The following CD320 variants were observed in gnomAD, a reference collection of about 807,000 sequenced individuals.
CD320 encodes the protein CD320 antigen.
In CD320, 16 loss-of-function variants were observed where a neutral mutation model predicts 22.1. The observed-to-expected ratio is 0.73, with a 90% confidence interval of 0.49 to 1.10. CD320 has a LOEUF of 1.10. Ranked by LOEUF, CD320 falls within the 50% of genes least tolerant of loss-of-function variation. CD320 has a pLI of 0.00. For missense variants in CD320, 388 were observed against 376.9 expected, an observed-to-expected ratio of 1.03 and a Z score of -0.24; for synonymous variants, 188 against 167.8, an observed-to-expected ratio of 1.12 and a Z score of -0.93.
chr19:8,304,271 G>C (rs566930183), intron 2 of CD320, among the ~76,000 whole-genome samples, 183 bp from the exon 3 acceptor site: 1 of 152,300 alleles, frequency 6.6e-6, no homozygotes, highest in Non-Finnish European at 1.5e-5. Flanking sequence ...CTCCCTGCAA[G>C]CTCTTCCCCT....
intron 1 of CD320, among the ~76,000 whole-genome samples, chr19:8,306,286 C>T (rs1482837136): frequency 6.6e-6 from 1 of 152,170 alleles, no homozygotes; most frequent in Non-Finnish European, 1.5e-5. Context: ...ACAGACTGGA[C>T]ATTCTGTGGA....
At chr19:8,306,443 G>A (rs748969997) in intron 1 of CD320, among the ~76,000 whole-genome samples, 38 of 152,224 alleles carry the variant, frequency 2.5e-4, no homozygotes, top group Non-Finnish European at 4.7e-4. Flanking sequence ...TGCCGACCTG[G>A]AGGGGCACGG....
Position 8,302,202 on chromosome 19 carries a change from C to A in CD320, c.*261G>T, listed in dbSNP as rs758541038. 1.6e-4 allele frequency: 103 copies of A among 660,574 alleles called. No individual in the cohort carries two copies. In the African/African-American group the frequency reaches 1.7e-3, roughly 11 times the overall value. 40.9% of individuals were successfully genotyped at this position (660,574 alleles called of 1,614,324 possible). ...GTCTTAAGCACAGGGCCGTTCTACC[C>A]CCTGGGAGCTGCCTGGGGCCAGCCC... is the stretch of plus-strand genomic sequence containing the variant. On this transcript the variant is annotated 3_prime_UTR_variant, in exon 5 of 5. Transcript: ENST00000301458.
In CD320 at chr19:8,308,135, G is replaced by A. The variant is rs994913562; in HGVS notation, c.142+14C>T. The A allele has an allele frequency of 8.7e-6, 13 of 1,491,474 alleles. No homozygotes were observed. Among genetic ancestry groups the A allele is most frequent in the Non-Finnish European group, 1.2e-5 (13 of 1,129,916 alleles). 92.4% of individuals were successfully genotyped at this position (1,491,474 alleles called of 1,614,324 possible). ...CGCGAGGGGTGGGAGCCCGCGCTGC[G>A]GGGCGTCACTCACCTGCGGCCTGGG... On this transcript the variant is annotated intron_variant, in intron 1 of 4. Coordinates refer to ENST00000301458, the MANE Select transcript of CD320 (RefSeq NM_016579.4).
rs1970032092 is a variant in CD320 at position 8,302,978 on chromosome 19, T to C, written c.505A>G (p.Thr169Ala). 6.2e-7 allele frequency: 1 copy of C among 1,613,748 alleles called. No homozygotes were observed. Among genetic ancestry groups the C allele is most frequent in the Non-Finnish European group, 8.5e-7 (1 of 1,179,812 alleles). The change falls in exon 4 of 5, where the codon ACC becomes GCC. Residue 169 changes from threonine (T) to alanine (A), a missense_variant and splice_region_variant. By Grantham distance (58) the Thr-to-Ala change is moderately conservative. Coordinates refer to ENST00000301458, the MANE Select transcript of CD320 (RefSeq NM_016579.4). The stretch of plus-strand genomic sequence containing the variant: ...TCCCCTTCCGGGAGGATCTCATTGG[T>C]TCCTGCAATAAGCCCAGGCGTTCAG... ...PDSSDELGCG[T>A]NEILPEGDAT...
chr19:8,307,754 G>A (rs1970114449), intron 1 of CD320, among the ~76,000 whole-genome samples: 1 of 152,122 alleles, frequency 6.6e-6, no homozygotes. Flanking sequence ...CGAGGGTTTG[G>A]AAGGCAAAGG....
In CD320 at chr19:8,303,866, TC is replaced by T; in HGVS notation, c.490del (p.Glu164SerfsTer22). On this transcript the variant is annotated frameshift_variant, in exon 3 of 5. Coordinates refer to ENST00000301458, the MANE Select transcript of CD320 (RefSeq NM_016579.4). LOFTEE classifies it high-confidence loss of function. ...CCGCAGGTGCATACCACAGCCGAGC[TC>T]GTCGCTGGAGTCGGGACAGTCTGGG... ...GHPDCPDSSD[E>X]LGCGTNEILP... The T allele has an allele frequency of 6.3e-7, 1 of 1,599,320 alleles. No individual in the cohort carries two copies. Among genetic ancestry groups the T allele is most frequent in the Non-Finnish European group, 8.5e-7 (1 of 1,173,490 alleles).
At position 8,307,024 on chromosome 19, in the gene CD320, G is replaced by T. The variant is rs529675695; in HGVS notation, c.142+1125C>A. On this transcript the variant is annotated intron_variant, in intron 1 of 4. Transcript: ENST00000301458. ...TGAGAAAAAAGAGACTGTGTATAGA[G>T]TTTTGTCCTGTAATCCCAGCACTTT... 5.3e-5 allele frequency among the ~76,000 whole-genome samples: 8 copies of T among 152,114 alleles called. No individual in the cohort carries two copies. The East Asian group carries it at 1.5e-3, about 29-fold the overall frequency.
At chr19:8,304,365 C>T (rs545927732) in intron 2 of CD320, among the ~76,000 whole-genome samples, 13 of 152,124 alleles carry the variant, frequency 8.5e-5, no homozygotes, top group Non-Finnish European at 1.6e-4. Flanking sequence ...TCTTTTGAGA[C>T]GGGGTCTCCC....
In CD320 at chr19:8,303,135, G is replaced by GTTA. The variant is rs1568556548; in HGVS notation, c.503-156_503-155insTAA. Among the ~76,000 whole-genome samples the GTTA allele has an allele frequency of 6.8e-3, 922 of 135,048 alleles. 18 individuals are homozygous for GTTA. Among genetic ancestry groups the GTTA allele is most frequent in the African/African-American group, 0.022 (841 of 37,818 alleles). The allele number at this position is 135,048 out of a possible 152,430, so 88.6% of individuals were successfully genotyped here. A position where few individuals can be genotyped will look rare whatever the true frequency, so the allele number is the denominator to read the frequency against. ...ATGTCTTTTTTTTTTTTTTTTTTTGGAGAGGGAGTCTGGCTCTGCCACCCA... is the reference window on the plus strand; with the variant it reads ...ATGTCTTTTTTTTTTTTTTTTTTTGGTTAAGAGGGAGTCTGGCTCTGCCACCCA... On this transcript the variant is annotated intron_variant, in intron 3 of 4. Coordinates refer to ENST00000301458, the MANE Select transcript of CD320 (RefSeq NM_016579.4).
chr19:8,308,001 T>A lies in CD320; in HGVS notation c.142+148A>T. On this transcript the variant is annotated intron_variant, in intron 1 of 4. Transcript: ENST00000301458. ...GTCTTCCTAGCACCAGTGCGCGCCT[T>A]CCCACAAGCGATGAAGTCCAAGTCC... 4 of 854,304 alleles carry A rather than the reference T, an allele frequency of 4.7e-6. No individual in the cohort carries two copies. In the South Asian group the frequency reaches 8.1e-5, roughly 17 times the overall value. 52.9% of individuals were successfully genotyped at this position (854,304 alleles called of 1,614,324 possible). A position where few individuals can be genotyped will look rare whatever the true frequency, so the allele number is the denominator to read the frequency against.
intron 1 of CD320, 38 bp from the exon 2 acceptor site, chr19:8,305,194 G>A (rs1439402274): frequency 1.3e-6 from 2 of 1,560,008 alleles, no homozygotes; most frequent in South Asian, 1.2e-5. Context: ...GGAAGCTGGA[G>A]GCTGGACCTT....
intron 2 of CD320, 98 bp from the exon 3 acceptor site, chr19:8,304,186 G>A: frequency 1.5e-6 from 1 of 667,862 alleles, no homozygotes; most frequent in East Asian, 2.7e-5. Context: ...TCTAAGAACA[G>A]CTGAGCCCAA....
At chr19:8,307,666 G>A (rs998665078) in intron 1 of CD320, among the ~76,000 whole-genome samples, 13 of 152,206 alleles carry the variant, frequency 8.5e-5, no homozygotes, top group African/African-American at 3.1e-4. Flanking sequence ...GAGACCTCGC[G>A]TTCTCTAAGG....
At chr19:8,305,563 GGGCGTGGTAGT>G in intron 1 of CD320, 1 of 244,558 alleles carries the variant, frequency 4.1e-6, no homozygotes, top group South Asian at 5.0e-5. Context: ...AAAATTAGCC[GGGCGTGGTAGT>G]GCACGCCTGT....
rs778739908 is a variant in CD320 at position 8,302,990 on chromosome 19, GC to G, written c.503-11del. 19 of 1,612,836 alleles carry G rather than the reference GC, an allele frequency of 1.2e-5. 1 individual carries two copies. In the South Asian group the frequency reaches 1.8e-4, roughly 15 times the overall value. On this transcript the variant is annotated splice_polypyrimidine_tract_variant and intron_variant, in intron 3 of 4. Coordinates refer to ENST00000301458, the MANE Select transcript of CD320 (RefSeq NM_016579.4). ...AGGATCTCATTGGTTCCTGCAATAA[GC>G]CCAGGCGTTCAGTAGTTGAGGAGAG...
chr19:8,305,011 C>T lies in CD320; in HGVS notation c.268+20G>A. 2.5e-6 allele frequency: 4 copies of T among 1,602,286 alleles called. No individual in the cohort carries two copies. The highest frequency in any genetic ancestry group is 2.5e-6 in the Non-Finnish European group (3 of 1,179,468). On this transcript the variant is annotated intron_variant, in intron 2 of 4. Transcript: ENST00000301458. ...AGGCCCCGCCCCCTGTAAGCCCCGC[C>T]AAGGGGCGTGGCCACTCACTGCACT...
intron 1 of CD320, 113 bp downstream of exon 1, chr19:8,308,036 G>C (rs1266821892): frequency 1.9e-6 from 2 of 1,074,610 alleles, no homozygotes; most frequent in Non-Finnish European, 2.5e-6. Flanking sequence ...CACGTGCTGG[G>C]GGAGTGTCAT....
At chr19:8,302,632 TAAG>T in intron 4 of CD320, 27 bp from the exon 5 acceptor site, 37 of 1,609,866 alleles carry the variant, frequency 2.3e-5, no homozygotes, top group Non-Finnish European at 3.1e-5. Flanking sequence ...GACAGAGGAG[TAAG>T]GAGGGGGAAG....
Sources: gnomAD v4.1 joint callset for allele counts (sites outside exome capture counted in the v4.1 genomes callset) on GRCh38, gnomAD v4.1.1 for gene constraint, MANE v1.5 for transcripts, NCBI Gene and HGNC (gene_info 2026-07-23, HGNC 2026-07-21) for gene names.